The following HDAC9 variants were observed in gnomAD, a reference collection of about 807,000 sequenced individuals.
HDAC9 encodes the protein MEF-2 interacting transcription repressor (MITR) protein.
Under a neutral mutation model 139.4 loss-of-function variants are expected in HDAC9, and 41 were observed. That is an observed-to-expected ratio of 0.29 (90% CI 0.23 to 0.38). The LOEUF (loss-of-function observed/expected upper bound fraction) is 0.38, where lower values mean the gene tolerates loss of function less well. Among genes scored for constraint, HDAC9 ranks in the 10% least tolerant of loss-of-function variants. The probability of loss-of-function intolerance (pLI) is 1.00; values close to 1 mark genes in which losing one functional copy is unlikely to be tolerated. For synonymous variants in HDAC9, 517 were observed against 476.2 expected, an observed-to-expected ratio of 1.09 and a Z score of -1.12; for missense variants, 1,147 against 1,297.0, an observed-to-expected ratio of 0.88 and a Z score of 1.78.
At position 18,767,140 on chromosome 7, in the gene HDAC9, T is replaced by A; in HGVS notation, c.2199T>A (p.Pro733=). The change falls in exon 16 of 26, where the codon CCT becomes CCA. Residue 733 remains proline, a synonymous_variant. Transcript: ENST00000686413. ...DDSQKFFSSL[P]CGGLGVDSDT... ...CTCAAAAGTTTTTTTCCTCATTACC[T>A]TGTGGTGGACTTGGGGTAAGTACAA... 1 of 1,580,324 alleles carries A rather than the reference T, an allele frequency of 6.3e-7. No individual in the cohort carries two copies.
chr7:18,792,257 CT>C (rs370313883), intron 16 of HDAC9, among the ~76,000 whole-genome samples: 54 of 138,024 alleles, frequency 3.9e-4, no homozygotes, highest in South Asian at 2.7e-3. Context: ...ATTTAATTCT[CT>C]TTTTTTTTTA....
intron 21 of HDAC9, among the ~76,000 whole-genome samples, chr7:18,872,529 G>A (rs1799006223): frequency 6.6e-6 from 1 of 152,120 alleles, no homozygotes; most frequent in African/African-American, 2.4e-5. Flanking sequence ...ACGGTAGCAA[G>A]ATTGGAAAAA....
intron 24 of HDAC9, among the ~76,000 whole-genome samples, chr7:18,973,707 G>T (rs1388479356): frequency 6.6e-6 from 1 of 152,210 alleles, no homozygotes; most frequent in Non-Finnish European, 1.5e-5. Context: ...AACTTTCAAA[G>T]TTGAGAGATG....
intron 9 of HDAC9, among the ~76,000 whole-genome samples, chr7:18,646,748 G>T (rs988956678): frequency 6.6e-6 from 1 of 152,104 alleles, no homozygotes; most frequent in African/African-American, 2.4e-5. Flanking sequence ...TCCTGCTTTT[G>T]TAATAGCAAA....
intron 21 of HDAC9, among the ~76,000 whole-genome samples, chr7:18,868,580 C>T (rs927733077): frequency 6.6e-6 from 1 of 152,152 alleles, no homozygotes; most frequent in Non-Finnish European, 1.5e-5. Context: ...TTAGGACATA[C>T]ATTAGTTTTT....
chr7:18,797,400 TATA>T (rs1792892904), intron 17 of HDAC9, among the ~76,000 whole-genome samples: 2 of 152,262 alleles, frequency 1.3e-5, no homozygotes, highest in South Asian at 4.1e-4. Flanking sequence ...CCTAACAAAA[TATA>T]ATAATAAAAT....
chr7:18,779,425 T>C (rs906023785), intron 16 of HDAC9, among the ~76,000 whole-genome samples: 5 of 152,062 alleles, frequency 3.3e-5, no homozygotes, highest in African/African-American at 7.2e-5. Context: ...ACCAGAATCA[T>C]GATTCTCATT....
intron 1 of HDAC9, among the ~76,000 whole-genome samples, chr7:18,112,120 A>G (rs765888731): frequency 1.3e-5 from 2 of 152,200 alleles, no homozygotes; most frequent in Non-Finnish European, 2.9e-5. Context: ...TCTATTATCT[A>G]TGCTCTTAAG....
rs78425427 is a variant in HDAC9 at position 18,264,335 on chromosome 7, A to G, written c.25+101986A>G. 2.9e-3 allele frequency among the ~76,000 whole-genome samples: 444 copies of G among 152,300 alleles called. 2 individuals are homozygous for G. The highest frequency in any genetic ancestry group is 0.01 in the African/African-American group (426 of 41,564). On this transcript the variant is annotated intron_variant, in intron 2 of 12. Transcript: ENST00000417496. ...ATGCAAAGTATATTCTCCAACTACA[A>G]TGGAATGAAATTAGAAATTAAAAAA... is the stretch of plus-strand genomic sequence containing the variant.
At chr7:18,239,054 G>C (rs556547301) in intron 2 of HDAC9, among the ~76,000 whole-genome samples, 1 of 152,040 alleles carries the variant, frequency 6.6e-6, no homozygotes, top group African/African-American at 2.4e-5. Context: ...ATTTTTCACC[G>C]GCTTTACACT....
chr7:18,454,051 A>G (rs563491047), intron 1 of HDAC9, among the ~76,000 whole-genome samples: 2 of 152,158 alleles, frequency 1.3e-5, no homozygotes, highest in Admixed American at 6.6e-5. Context: ...ATTCCAAAGT[A>G]TAATTGCCTA....
rs1323588548 is a variant in HDAC9 at position 18,648,396 on chromosome 7, T to TTG, written c.1250-58_1250-57dup. 2.0e-3 allele frequency: 2,397 copies of TTG among 1,206,412 alleles called. 18 individuals are homozygous for TTG. The African/African-American group carries it at 0.022, about 11-fold the overall frequency. The allele number at this position is 1,206,412 out of a possible 1,614,324, so 74.7% of individuals were successfully genotyped here. On this transcript the variant is annotated intron_variant, in intron 10 of 25. Coordinates refer to ENST00000686413, the MANE Select transcript of HDAC9 (RefSeq NM_178425.4). Reference sequence around the variant, plus strand: ...TTTGGCTTCTTATCTTTTCTTAAAATTGTGTGTGTGTGTATGTGTGTGTGT... The same window carrying TTG: ...TTTGGCTTCTTATCTTTTCTTAAAATTGTGTGTGTGTGTGTATGTGTGTGTGT...
chr7:18,722,039 T>A (rs1023780751), intron 12 of HDAC9, among the ~76,000 whole-genome samples: 2 of 152,206 alleles, frequency 1.3e-5, no homozygotes, highest in African/African-American at 4.8e-5. Context: ...ATAACAACTC[T>A]TCTGTCAAAG....
intron 18 of HDAC9, 114 bp from the exon 19 acceptor site, chr7:18,829,347 A>G (rs1252446887): frequency 9.1e-7 from 1 of 1,104,150 alleles, no homozygotes; most frequent in Non-Finnish European, 1.4e-6. Flanking sequence ...TCCCAGAAGC[A>G]GATTTATGGC....
chr7:18,905,419 A>G (rs536232180), intron 22 of HDAC9, among the ~76,000 whole-genome samples: 3 of 152,358 alleles, frequency 2.0e-5, no homozygotes, highest in East Asian at 3.9e-4. Flanking sequence ...TAGATTTTTG[A>G]AAGTCCATTT....
chr7:18,407,406 TG>T (rs1451812145), intron 1 of HDAC9, among the ~76,000 whole-genome samples: 4 of 152,198 alleles, frequency 2.6e-5, no homozygotes, highest in Admixed American at 1.3e-4. Context: ...TGTGTTCTAA[TG>T]TCTCAAGCTA....
intron 1 of HDAC9, among the ~76,000 whole-genome samples, chr7:18,399,098 G>C (rs1407788178): frequency 6.6e-6 from 1 of 152,140 alleles, no homozygotes; most frequent in Non-Finnish European, 1.5e-5. Flanking sequence ...TGTGTGGAAA[G>C]AAGCAAGCAA....
chr7:18,866,289 C>T (rs1480123906), intron 21 of HDAC9, among the ~76,000 whole-genome samples: 2 of 151,938 alleles, frequency 1.3e-5, no homozygotes, highest in East Asian at 3.9e-4. Context: ...ACCCCCGTGA[C>T]TTTCTGTACA....
At chr7:18,324,102 A>C (rs1227393130) in intron 1 of HDAC9, among the ~76,000 whole-genome samples, 1 of 152,106 alleles carries the variant, frequency 6.6e-6, no homozygotes, top group Non-Finnish European at 1.5e-5. Context: ...ATGAAGCTTC[A>C]ACATATGAAT....
Sources: allele counts gnomAD v4.1 joint callset (sites outside exome capture counted in the v4.1 genomes callset), GRCh38; gene constraint gnomAD v4.1.1; transcripts MANE v1.5; gene names NCBI Gene and HGNC (gene_info 2026-07-23, HGNC 2026-07-21).